SAXO1: variants seen among roughly 807,000 people sequenced by gnomAD.
The protein encoded by SAXO1 is stabilizer of axonemal microtubules 1, also known as 4930500O09Rik.
A neutral mutation model predicts 17.5 loss-of-function variants in SAXO1; 21 were observed. The observed-to-expected ratio is 1.20, with a 90% CI of 0.85 to 1.72. The LOEUF (loss-of-function observed/expected upper bound fraction) is 1.72, where lower values mean the gene tolerates loss of function less well. Ranked by LOEUF, SAXO1 falls within the 40% of genes most tolerant of loss-of-function variation. The pLI, the probability that SAXO1 is intolerant of heterozygous loss-of-function variation, is 0.00. For missense variants in SAXO1, 843 were observed against 596.0 expected (o/e 1.41, Z -4.32); for synonymous variants, 274 against 216.5 (o/e 1.27, Z -2.33).
At chr9:18,980,558 A>G (rs57238761) in intron 1 of SAXO1, among the ~76,000 whole-genome samples, 76,184 of 104,882 alleles carry the variant, frequency 0.73, 28,404 homozygotes, top group Non-Finnish European at 0.77. Context: ...GGGAAGAGGA[A>G]GAAGAGGAGG....
chr9:19,022,664 G>C (rs1258757551), intron 1 of SAXO1, among the ~76,000 whole-genome samples: 1 of 152,200 alleles, frequency 6.6e-6, no homozygotes, highest in East Asian at 1.9e-4. Context: ...AGCACTGGGA[G>C]AAACTTAACT....
chr9:18,996,628 G>A (rs1223118237), intron 1 of SAXO1, among the ~76,000 whole-genome samples: 3 of 152,128 alleles, frequency 2.0e-5, no homozygotes, highest in Non-Finnish European at 4.4e-5. Context: ...AAAGCATTTG[G>A]TAAAATTCAA....
At chr9:19,029,571 T>C (rs1209713062) in intron 1 of SAXO1, among the ~76,000 whole-genome samples, 1 of 152,112 alleles carries the variant, frequency 6.6e-6, no homozygotes. Flanking sequence ...GCAGATTTAA[T>C]TGGGGTGGGA....
chr9:18,930,275 G>A (rs1406043727), intron 3 of SAXO1, among the ~76,000 whole-genome samples: 1 of 152,196 alleles, frequency 6.6e-6, no homozygotes, highest in Non-Finnish European at 1.5e-5. Flanking sequence ...CTGCTGTGGG[G>A]CTGGAATGGC....
chr9:19,036,474 G>A (rs934278338), upstream of SAXO1, among the ~76,000 whole-genome samples: 15 of 151,956 alleles, frequency 9.9e-5, no homozygotes, highest in Admixed American at 5.2e-4. Flanking sequence ...TTCATGGGCC[G>A]GGACCAGGGT....
In SAXO1 at chr9:18,928,136, G is replaced by A. The variant is rs1214219757; in HGVS notation, c.1341C>T (p.Ser447=). Residue 447 remains serine (S), a synonymous_variant, in exon 4 of 4, where the codon TCC becomes TCT. Transcript: ENST00000380534. ...GGCTGCTCTGCTGAGAGCCTGCCTG[G>A]GAAACTGGTTTGTATATCCTGTGAC... ...ALGHRIYKPV[S]QAGSQQSSHL... is the part of the protein sequence containing the mutation. The A allele has an allele frequency of 1.2e-6, 2 of 1,614,060 alleles. No homozygotes were observed. The highest frequency in any genetic ancestry group is 1.3e-5 in the African/African-American group (1 of 74,922).
At chr9:19,027,135 G>C (rs1347468818) in intron 1 of SAXO1, 4 of 1,066,558 alleles carry the variant, frequency 3.8e-6, no homozygotes, top group Non-Finnish European at 5.8e-6. Context: ...CGAGCTCCTG[G>C]ATGTTGATCC....
upstream of SAXO1, among the ~76,000 whole-genome samples, chr9:19,038,209 G>A (rs1479269630): frequency 3.3e-5 from 5 of 152,284 alleles, no homozygotes; most frequent in East Asian, 3.9e-4. Context: ...CGATTCCTCA[G>A]GGATCTAGAA....
At chr9:18,961,965 A>C (rs1197864053) in intron 1 of SAXO1, among the ~76,000 whole-genome samples, 2 of 152,218 alleles carry the variant, frequency 1.3e-5, no homozygotes, top group Admixed American at 1.3e-4. Flanking sequence ...ACAGTGTAAA[A>C]GCATTCCTAT....
At chr9:18,951,595 C>G (rs2131731000) in intron 1 of SAXO1, among the ~76,000 whole-genome samples, 1 of 152,284 alleles carries the variant, frequency 6.6e-6, no homozygotes, top group East Asian at 1.9e-4. Flanking sequence ...TACCCAGGAT[C>G]CACCTCGCCG....
chr9:18,999,286 C>T (rs1201019812), intron 1 of SAXO1, among the ~76,000 whole-genome samples: 1 of 152,070 alleles, frequency 6.6e-6, no homozygotes, highest in Non-Finnish European at 1.5e-5. Flanking sequence ...TGCCTCTGCC[C>T]AGCGACCGCC....
intron 1 of SAXO1, among the ~76,000 whole-genome samples, chr9:18,973,485 G>C (rs1321600575): frequency 6.6e-6 from 1 of 152,202 alleles, no homozygotes; most frequent in Non-Finnish European, 1.5e-5. Context: ...ATTATCTCTA[G>C]TGCACACACA....
chr9:19,005,431 A>G (rs180831398), intron 1 of SAXO1, among the ~76,000 whole-genome samples: 62 of 152,354 alleles, frequency 4.1e-4, no homozygotes, highest in African/African-American at 1.4e-3. Context: ...AAGGACAGAC[A>G]TATAGACCAG....
intron 1 of SAXO1, among the ~76,000 whole-genome samples, chr9:18,996,120 C>A (rs993191104): frequency 6.6e-6 from 1 of 151,744 alleles, no homozygotes; most frequent in Non-Finnish European, 1.5e-5. Context: ...ATATAAATGT[C>A]CAAACATATT....
At chr9:18,933,430 G>A (rs1189887652) in intron 3 of SAXO1, among the ~76,000 whole-genome samples, 2 of 152,200 alleles carry the variant, frequency 1.3e-5, no homozygotes, top group Middle Eastern at 3.4e-3. Context: ...TCTTTTTAAT[G>A]ATTTAAGAAG....
chr9:19,032,543 T>G (rs1835811937), intron 1 of SAXO1, among the ~76,000 whole-genome samples: 1 of 152,226 alleles, frequency 6.6e-6, no homozygotes, highest in South Asian at 2.1e-4. Flanking sequence ...GCAAGACTGG[T>G]CCCACTGGGC....
chr9:18,960,286 G>T (rs749404365), intron 1 of SAXO1, among the ~76,000 whole-genome samples: 1 of 152,166 alleles, frequency 6.6e-6, no homozygotes, highest in Non-Finnish European at 1.5e-5. Context: ...AAAGAAACAT[G>T]TCCACAACTC....
chr9:19,000,296 C>T (rs1273479971), intron 1 of SAXO1, among the ~76,000 whole-genome samples: 3 of 150,434 alleles, frequency 2.0e-5, no homozygotes, highest in Admixed American at 6.6e-5. Flanking sequence ...AGCCGCCCCA[C>T]CCTCTGGGAA....
At chr9:19,038,399 C>T (rs1835995520) in intron 1 of SAXO1, among the ~76,000 whole-genome samples, 1 of 151,914 alleles carries the variant, frequency 6.6e-6, no homozygotes, top group East Asian at 1.9e-4. Context: ...AAATGTGGCA[C>T]ATATACACCA....
Sources: allele counts gnomAD v4.1 joint callset (sites outside exome capture counted in the v4.1 genomes callset), GRCh38; gene constraint gnomAD v4.1.1; transcripts MANE v1.5; gene names NCBI Gene and HGNC (gene_info 2026-07-23, HGNC 2026-07-21).